The following KCNN2 variants were observed in gnomAD, a reference collection of about 807,000 sequenced individuals.
KCNN2 encodes potassium calcium-activated channel subfamily N member 2.
Under a neutral mutation model 55.5 loss-of-function variants are expected in KCNN2, and 24 were observed. The observed-to-expected ratio is 0.43, with a 90% CI of 0.31 to 0.61. The LOEUF is 0.61. Among genes scored for constraint, KCNN2 ranks in the 20% least tolerant of loss-of-function variants. The probability of loss-of-function intolerance (pLI) is 0.08; values close to 1 mark genes in which losing one functional copy is unlikely to be tolerated. For missense variants in KCNN2, 754 were observed against 853.6 expected (o/e 0.88, Z 1.45); for synonymous variants, 431 against 336.1 (o/e 1.28, Z -3.09).
chr5:114,315,332 T>C (rs1756479541), intron 2 of KCNN2, among the ~76,000 whole-genome samples: 2 of 152,046 alleles, frequency 1.3e-5, no homozygotes, highest in Non-Finnish European at 2.9e-5. Flanking sequence ...ATTTATTTTA[T>C]AGAGATACCA....
In KCNN2 at chr5:114,080,667, AT is replaced by A. The variant is rs569059723; in HGVS notation, c.-271+24168del. 4.0e-4 allele frequency among the ~76,000 whole-genome samples: 61 copies of A among 152,318 alleles called. 1 individual carries two copies. The East Asian group carries it at 0.011, about 28-fold the overall frequency. ...GATAAAAACACTAAACATAGTAAGA[AT>A]AGTAGGAACTATCTCAACATAATAA... On this transcript the variant is annotated intron_variant, in intron 1 of 10. Coordinates refer to the KCNN2 transcript ENST00000512097.
At chr5:114,127,102 G>A (rs543868568) in intron 1 of KCNN2, among the ~76,000 whole-genome samples, 3 of 152,270 alleles carry the variant, frequency 2.0e-5, no homozygotes, top group Admixed American at 1.3e-4. Context: ...CTGGCATTGA[G>A]CGTCTGAGAC....
chr5:114,090,071 T>C (rs1182165420), intron 1 of KCNN2, among the ~76,000 whole-genome samples: 1 of 152,152 alleles, frequency 6.6e-6, no homozygotes, highest in Admixed American at 6.5e-5. Flanking sequence ...AATAAGAAAA[T>C]ATGAATTTCA....
Position 114,362,677 on chromosome 5 carries a change from C to G in KCNN2, c.538C>G (p.Pro180Ala), listed in dbSNP as rs368225575. Residue 180 changes from proline (P) to alanine (A), a missense_variant, in exon 1 of 8, where the codon CCC becomes GCC. By Grantham distance (27) the Pro-to-Ala change is conservative. This residue lies in a region of KCNN2 where 381 missense variants were observed against 259.1 expected (regional missense o/e 1.47). Transcript: ENST00000673685. The part of the protein sequence containing the change: ...TGSLGSLGSG[P>A]PLSHHHHHPH... ...CAGCCTCGGCAGTCTGGGCTCCGGG[C>G]CCCCGCTCTCGCACCACCACCACCA... The G allele has an allele frequency of 8.4e-4, 1,195 of 1,428,654 alleles. 10 individuals are homozygous for G. The African/African-American group carries it at 0.016, about 19-fold the overall frequency. 88.5% of individuals were successfully genotyped at this position (1,428,654 alleles called of 1,614,324 possible).
chr5:114,177,904 G>C (rs1485974645), intron 1 of KCNN2, among the ~76,000 whole-genome samples: 1 of 152,122 alleles, frequency 6.6e-6, no homozygotes, highest in Non-Finnish European at 1.5e-5. Context: ...AATAAAAATA[G>C]ATTTGAGGTC....
At chr5:114,429,153 C>A (rs1385170833) in intron 3 of KCNN2, among the ~76,000 whole-genome samples, 2 of 152,066 alleles carry the variant, frequency 1.3e-5, no homozygotes, top group East Asian at 3.8e-4. Flanking sequence ...AAACTGTCTT[C>A]CAAAGTGACA....
chr5:114,185,480 C>T (rs1391717623), intron 1 of KCNN2, among the ~76,000 whole-genome samples: 1 of 152,208 alleles, frequency 6.6e-6, no homozygotes, highest in Non-Finnish European at 1.5e-5. Flanking sequence ...AGGAGCCCGG[C>T]CTCTCCTTTT....
intron 2 of KCNN2, among the ~76,000 whole-genome samples, chr5:114,273,692 T>TG (rs1232792313): frequency 6.6e-6 from 1 of 152,150 alleles, no homozygotes; most frequent in Non-Finnish European, 1.5e-5. Context: ...CATTTTTGGA[T>TG]GGGGTTGTTT....
chr5:114,359,372 AGAT>A (rs1457346760), upstream of KCNN2, among the ~76,000 whole-genome samples: 1 of 152,176 alleles, frequency 6.6e-6, no homozygotes, highest in African/African-American at 2.4e-5. Flanking sequence ...GCAATTTCTG[AGAT>A]GATTATTTCT....
chr5:114,106,188 T>G (rs1410797349), intron 1 of KCNN2, among the ~76,000 whole-genome samples: 1 of 151,974 alleles, frequency 6.6e-6, no homozygotes, highest in East Asian at 1.9e-4. Flanking sequence ...GCTATTTTTT[T>G]TTTTTACTTA....
rs774239362 is a variant in KCNN2 at position 114,495,970 on chromosome 5, C to T, written c.2164C>T (p.Leu722=). ...SEDFEKRIVT[L]ETKLETLIGS... is the part of the protein sequence containing the mutation. ...AGACTTCGAGAAGAGGATTGTTACC[C>T]TGGAAACAAAACTAGAGACTTTGAT... The change falls in exon 8 of 8, where the codon CTG becomes TTG. Residue 722 remains leucine, a synonymous_variant. Transcript: ENST00000673685. 2.5e-5 allele frequency: 41 copies of T among 1,613,832 alleles called. 1 individual carries two copies. The highest frequency in any genetic ancestry group is 3.3e-5 in the Admixed American group (2 of 59,990).
At chr5:114,139,906 T>C (rs866474416) in intron 1 of KCNN2, among the ~76,000 whole-genome samples, 14 of 151,966 alleles carry the variant, frequency 9.2e-5, no homozygotes, top group Admixed American at 2.0e-4. Flanking sequence ...TGAATTTTTT[T>C]TTCATAGACT....
At chr5:114,399,453 T>C (rs1479741241) in intron 2 of KCNN2, among the ~76,000 whole-genome samples, 2 of 152,208 alleles carry the variant, frequency 1.3e-5, no homozygotes, top group Non-Finnish European at 2.9e-5. Flanking sequence ...AAAGCGTATT[T>C]GATTGTGTTA....
intron 2 of KCNN2, among the ~76,000 whole-genome samples, chr5:114,400,258 A>G (rs1480176276): frequency 1.3e-5 from 2 of 152,162 alleles, no homozygotes; most frequent in Admixed American, 1.3e-4. Context: ...TTAGTGCTAT[A>G]AACTTTTCTC....
chr5:114,304,316 A>G (rs1756225131), intron 2 of KCNN2, among the ~76,000 whole-genome samples: 2 of 152,188 alleles, frequency 1.3e-5, no homozygotes, highest in African/African-American at 4.8e-5. Flanking sequence ...CAAAAAAGGT[A>G]GGTGTCATGG....
chr5:114,102,215 G>A (rs556034662), intron 1 of KCNN2, among the ~76,000 whole-genome samples: 1 of 151,846 alleles, frequency 6.6e-6, no homozygotes, highest in Non-Finnish European at 1.5e-5. Context: ...GTGTCTGTTG[G>A]CCACATAAAT....
chr5:114,233,327 G>A (rs999609441), intron 2 of KCNN2, among the ~76,000 whole-genome samples: 4 of 152,170 alleles, frequency 2.6e-5, no homozygotes, highest in East Asian at 1.9e-4. Flanking sequence ...GCAACTTTGC[G>A]TATTTGATTA....
At chr5:114,141,655 G>C (rs961664334) in intron 1 of KCNN2, among the ~76,000 whole-genome samples, 6 of 152,120 alleles carry the variant, frequency 3.9e-5, no homozygotes, top group African/African-American at 1.4e-4. Flanking sequence ...CCAGTAATGG[G>C]ATGGCTGGGT....
chr5:114,065,558 G>A (rs1446914990), intron 1 of KCNN2, among the ~76,000 whole-genome samples: 1 of 152,164 alleles, frequency 6.6e-6, no homozygotes, highest in Non-Finnish European at 1.5e-5. Flanking sequence ...GAGAATCTCA[G>A]CCATATGCTT....
Sources: allele counts gnomAD v4.1 joint callset (sites outside exome capture counted in the v4.1 genomes callset), GRCh38; gene constraint gnomAD v4.1.1; regional missense constraint gnomAD v4.1.1; transcripts MANE v1.5; gene names NCBI Gene and HGNC (gene_info 2026-07-23, HGNC 2026-07-21).